Variants in PTPRN2 observed in about 807,000 individuals in gnomAD.
PTPRN2 encodes protein tyrosine phosphatase receptor type N2, also known as receptor-type tyrosine-protein phosphatase N2.
A neutral mutation model predicts 118.8 loss-of-function variants in PTPRN2; 74 were observed. That is an observed-to-expected ratio of 0.62 (90% CI 0.52 to 0.76). The LOEUF (loss-of-function observed/expected upper bound fraction) is 0.76, where lower values mean the gene tolerates loss of function less well. Ranked by LOEUF, PTPRN2 falls within the 30% of genes least tolerant of loss-of-function variation. The pLI, the probability that PTPRN2 is intolerant of heterozygous loss-of-function variation, is 0.00. For synonymous variants in PTPRN2, 641 were observed against 608.0 expected, an observed-to-expected ratio of 1.05 and a Z score of -0.80; for missense variants, 1,481 against 1,394.4, an observed-to-expected ratio of 1.06 and a Z score of -0.99.
chr7:157,975,849 C>G (rs954518341), intron 11 of PTPRN2, among the ~76,000 whole-genome samples: 1 of 152,202 alleles, frequency 6.6e-6, no homozygotes, highest in African/African-American at 2.4e-5. Context: ...AACCACAATG[C>G]CTGTCTGCAG....
At chr7:158,524,135 GTCA>G (rs1418005063) in intron 1 of PTPRN2, among the ~76,000 whole-genome samples, 1 of 76,004 alleles carries the variant, frequency 1.3e-5, no homozygotes, top group Non-Finnish European at 2.6e-5. Context: ...CTGGAGTGGA[GTCA>G]TCTGCCCTGG....
intron 2 of PTPRN2, among the ~76,000 whole-genome samples, chr7:158,443,425 G>A (rs566199632): frequency 1.3e-5 from 2 of 152,366 alleles, no homozygotes; most frequent in African/African-American, 2.4e-5. Context: ...GAACTGACGA[G>A]ACTGTTTCCC....
chr7:157,576,630 G>C lies in PTPRN2; in HGVS notation c.2766C>G (p.Ser922=). 2 of 1,612,264 alleles carry C rather than the reference G, an allele frequency of 1.2e-6. No individual in the cohort carries two copies. Among genetic ancestry groups the C allele is most frequent in the Non-Finnish European group, 1.7e-6 (2 of 1,179,204 alleles). ...CGTCATACCTGCGGAAGTCCAGGAG[G>C]GACCTTGAGGAGGAAGGGACTCCTC... ...YDRGVPSSSR[S]LLDFRRKVNK... is the part of the protein sequence containing the mutation. The change falls in exon 19 of 23, where the codon TCC becomes TCG. Residue 922 remains serine, a synonymous_variant. Coordinates refer to ENST00000389418, the MANE Select transcript of PTPRN2 (RefSeq NM_002847.5).
Position 158,251,784 on chromosome 7 carries a change from CCCT to C in PTPRN2, c.278-46514_278-46512del, listed in dbSNP as rs1204956407. Among the ~76,000 whole-genome samples, 4 of 152,106 alleles carry C rather than the reference CCCT, an allele frequency of 2.6e-5. No individual in the cohort carries two copies. In the East Asian group the frequency reaches 7.7e-4, roughly 29 times the overall value. ...GGTGCACGTATGCATGTGTGTGTCC[CCCT>C]CATTACCTCACATGCGTATAGAGCA... On this transcript the variant is annotated intron_variant, in intron 3 of 22. Coordinates refer to ENST00000389418, the MANE Select transcript of PTPRN2 (RefSeq NM_002847.5).
At chr7:158,150,127 G>A (rs1223909996) in intron 6 of PTPRN2, among the ~76,000 whole-genome samples, 1 of 152,184 alleles carries the variant, frequency 6.6e-6, no homozygotes, top group Admixed American at 6.5e-5. Context: ...GAGCTCTGAA[G>A]CTTGGCCGGC....
At chr7:158,327,179 A>G (rs11771764) in intron 2 of PTPRN2, among the ~76,000 whole-genome samples, 54,505 of 149,006 alleles carry the variant, frequency 0.37, 10,106 homozygotes, top group Middle Eastern at 0.45. Flanking sequence ...GCACACACAC[A>G]TGCTCACATT....
At chr7:158,061,725 C>T (rs1810362708) in intron 11 of PTPRN2, among the ~76,000 whole-genome samples, 1 of 152,202 alleles carries the variant, frequency 6.6e-6, no homozygotes, top group Non-Finnish European at 1.5e-5. Flanking sequence ...TCCCCAGGAC[C>T]ACACCTGAAG....
intron 9 of PTPRN2, among the ~76,000 whole-genome samples, chr7:158,117,774 C>T (rs1172403072): frequency 7.5e-6 from 1 of 133,252 alleles, no homozygotes; most frequent in East Asian, 2.3e-4. Flanking sequence ...CCAAGTGCTA[C>T]AGGAAAAGAA....
At chr7:158,173,878 A>G (rs1244884902) in intron 5 of PTPRN2, among the ~76,000 whole-genome samples, 4 of 152,228 alleles carry the variant, frequency 2.6e-5, no homozygotes, top group African/African-American at 7.2e-5. Flanking sequence ...TCAGACCTTA[A>G]TGTTATCTTC....
rs982034334 is a variant in PTPRN2, at chr7:157,632,305, C to T, written c.2197-10796G>A. On this transcript the variant is annotated intron_variant, in intron 14 of 22. Transcript: ENST00000389418. The surrounding 1 kb of genome is among the most constrained non-coding windows in gnomAD (Gnocchi z 4.3). ...GTGGAAAGGTGGCCTGGTGCACCAACGCCTGGTGATCCTCGATTTCAGTTT... is the reference window on the plus strand; with the variant it reads ...GTGGAAAGGTGGCCTGGTGCACCAATGCCTGGTGATCCTCGATTTCAGTTT... Among the ~76,000 whole-genome samples the T allele has an allele frequency of 3.3e-5, 5 of 152,168 alleles. No individual in the cohort carries two copies. The highest frequency in any genetic ancestry group is 7.2e-5 in the African/African-American group (3 of 41,432).
intron 11 of PTPRN2, among the ~76,000 whole-genome samples, chr7:157,993,350 C>A (rs1202003086): frequency 6.6e-6 from 1 of 151,842 alleles, no homozygotes; most frequent in Non-Finnish European, 1.5e-5. Flanking sequence ...ACCACCTAAG[C>A]AGCCCTGAGC....
intron 2 of PTPRN2, among the ~76,000 whole-genome samples, chr7:158,470,826 T>C (rs1819798130): frequency 6.6e-6 from 1 of 151,034 alleles, no homozygotes; most frequent in African/African-American, 2.5e-5. Context: ...TGAGATTTTA[T>C]AGATCACATG....
intron 13 of PTPRN2, among the ~76,000 whole-genome samples, chr7:157,672,047 G>A (rs2150782652): frequency 6.6e-6 from 1 of 152,150 alleles, no homozygotes; most frequent in South Asian, 2.1e-4. Flanking sequence ...AGGGTGCTGG[G>A]AGCAGCCGGC....
rs1563193968 is a variant in PTPRN2 at position 157,539,283 on chromosome 7, A to ACGTGCCTGGAGGAGCCAGCGGGGGCCTG, written c.*1430_*1431insCAGGCCCCCGCTGGCTCCTCCAGGCACG. ...CATTACAATACCATGTAGAGACATA[A>ACGTGCCTGGAGGAGCCAGCGGGGGCCTG]GCAATATTTTGGCATCATTCTGTCC... On this transcript the variant is annotated 3_prime_UTR_variant, in exon 23 of 23. Coordinates refer to ENST00000389418, the MANE Select transcript of PTPRN2 (RefSeq NM_002847.5). 6.6e-6 allele frequency: 1 copy of ACGTGCCTGGAGGAGCCAGCGGGGGCCTG among 152,252 alleles called. No individual in the cohort carries two copies. Among genetic ancestry groups the ACGTGCCTGGAGGAGCCAGCGGGGGCCTG allele is most frequent in the African/African-American group, 2.4e-5 (1 of 41,454 alleles). 9.4% of individuals were successfully genotyped at this position (152,252 alleles called of 1,614,324 possible). A position where few individuals can be genotyped will look rare whatever the true frequency, so the allele number is the denominator to read the frequency against.
At chr7:157,948,757 G>A (rs968342604) in intron 11 of PTPRN2, among the ~76,000 whole-genome samples, 4 of 152,206 alleles carry the variant, frequency 2.6e-5, no homozygotes, top group African/African-American at 9.6e-5. Context: ...ATTTTTGAGT[G>A]CCTACATGAT....
intron 12 of PTPRN2, among the ~76,000 whole-genome samples, chr7:157,820,546 GCA>G (rs1264424529): frequency 2.1e-5 from 3 of 146,292 alleles, no homozygotes; most frequent in Non-Finnish European, 4.5e-5. Context: ...CCACACACGT[GCA>G]CACACACGCA....
At chr7:157,770,858 T>C (rs1196747427) in intron 12 of PTPRN2, among the ~76,000 whole-genome samples, 1 of 151,208 alleles carries the variant, frequency 6.6e-6, no homozygotes. Flanking sequence ...CACCTGAGTG[T>C]GGGGGCTGTG....
intron 12 of PTPRN2, among the ~76,000 whole-genome samples, chr7:157,817,099 C>T (rs73746641): frequency 2.0e-5 from 3 of 152,174 alleles, no homozygotes; most frequent in South Asian, 2.1e-4. Context: ...GGCATGGGAG[C>T]GCTGTGTTCC....
At chr7:158,350,250 C>T (rs1807826372) in intron 2 of PTPRN2, among the ~76,000 whole-genome samples, 1 of 152,190 alleles carries the variant, frequency 6.6e-6, no homozygotes. Context: ...CAACATCAGC[C>T]GGCACTTCCA....
Sources: gnomAD v4.1 joint callset for allele counts (sites outside exome capture counted in the v4.1 genomes callset) on GRCh38, gnomAD v4.1.1 for gene constraint, Gnocchi (gnomAD v3.1) non-coding constraint, MANE v1.5 for transcripts, NCBI Gene and HGNC (gene_info 2026-07-23, HGNC 2026-07-21) for gene names.